The following PIGU variants were observed in gnomAD, a reference collection of about 807,000 sequenced individuals.
The protein encoded by PIGU is GPI-anchor transamidase component PIGU.
Under a neutral mutation model 49.9 loss-of-function variants are expected in PIGU, and 24 were observed. The ratio of observed to expected loss-of-function variants is 0.48; its 90% CI spans 0.35 to 0.68. The LOEUF is 0.68. Ranked by LOEUF, PIGU falls within the 30% of genes least tolerant of loss-of-function variation. The pLI, the probability that PIGU is intolerant of heterozygous loss-of-function variation, is 0.01. For synonymous variants in PIGU, 220 were observed against 205.7 expected, an observed-to-expected ratio of 1.07 and a Z score of -0.59; for missense variants, 490 against 532.6, an observed-to-expected ratio of 0.92 and a Z score of 0.79.
At chr20:34,572,395 G>A (rs1983051438) in intron 11 of PIGU, among the ~76,000 whole-genome samples, 1 of 151,880 alleles carries the variant, frequency 6.6e-6, no homozygotes, top group Admixed American at 6.5e-5. Flanking sequence ...ACCTGTAATC[G>A]CAGCACTTTG....
chr20:34,647,197 T>G (rs1271697895), intron 2 of PIGU, among the ~76,000 whole-genome samples: 1 of 151,986 alleles, frequency 6.6e-6, no homozygotes, highest in Non-Finnish European at 1.5e-5. Context: ...TCTTGAACTC[T>G]CAACCTCAGG....
intron 1 of PIGU, among the ~76,000 whole-genome samples, chr20:34,674,893 C>T (rs764741165): frequency 2.0e-5 from 3 of 148,462 alleles, no homozygotes; most frequent in Non-Finnish European, 3.0e-5. Flanking sequence ...GCTGCAGTGA[C>T]CCATTATCAC....
chr20:34,606,182 G>A (rs2146731744), intron 7 of PIGU, among the ~76,000 whole-genome samples: 1 of 149,994 alleles, frequency 6.7e-6, no homozygotes, highest in African/African-American at 2.5e-5. Context: ...TTGAACCTGA[G>A]AGGCGGAGGT....
intron 1 of PIGU, among the ~76,000 whole-genome samples, chr20:34,674,288 G>A (rs1229375837): frequency 6.6e-6 from 1 of 151,908 alleles, no homozygotes; most frequent in East Asian, 1.9e-4. Context: ...CTGGGAGGCG[G>A]AGGTTGCAGT....
At chr20:34,574,954 CCTCA>C in intron 11 of PIGU, 146 bp downstream of exon 11, 1 of 1,033,954 alleles carries the variant, frequency 9.7e-7, no homozygotes, top group African/African-American at 1.6e-5. Flanking sequence ...ACTTCCCCGT[CCTCA>C]CTGACTGGGA....
intron 7 of PIGU, among the ~76,000 whole-genome samples, chr20:34,591,407 A>C (rs1223878993): frequency 6.6e-6 from 1 of 152,326 alleles, no homozygotes; most frequent in East Asian, 1.9e-4. Flanking sequence ...TTAATCTCAT[A>C]AGATCTTACA....
chr20:34,578,561 G>A (rs1461162359), intron 10 of PIGU, among the ~76,000 whole-genome samples: 1 of 152,224 alleles, frequency 6.6e-6, no homozygotes, highest in Non-Finnish European at 1.5e-5. Context: ...CAGGGTGACA[G>A]GAAGGAAACC....
At chr20:34,626,152 T>C (rs1985480791) in intron 6 of PIGU, among the ~76,000 whole-genome samples, 2 of 152,170 alleles carry the variant, frequency 1.3e-5, no homozygotes, top group South Asian at 4.1e-4. Context: ...CTGCGATTAA[T>C]AACTTTGTAC....
At chr20:34,584,504 CTTTTTTTTTT>C (rs5841174) in intron 9 of PIGU, among the ~76,000 whole-genome samples, 2 of 66,406 alleles carry the variant, frequency 3.0e-5, no homozygotes, top group African/African-American at 5.8e-5. Context: ...AACTCCTGTT[CTTTTTTTTTT>C]TTTTTTTTTT....
intron 2 of PIGU, among the ~76,000 whole-genome samples, chr20:34,650,821 C>T (rs1986520994): frequency 7.1e-6 from 1 of 140,524 alleles, no homozygotes; most frequent in Non-Finnish European, 1.5e-5. Context: ...TCAAGTGATT[C>T]TCCTGCCTCA....
Position 34,645,266 on chromosome 20 carries a change from G to T in PIGU, c.255+9C>A. ...TATACATATCAATTTTATATGGAAGGTTACTTACCATAAACACCAATTCAG... is the reference window on the plus strand; with the variant it reads ...TATACATATCAATTTTATATGGAAGTTTACTTACCATAAACACCAATTCAG... On this transcript the variant is annotated intron_variant, in intron 3 of 11. Transcript: ENST00000217446. The T allele has an allele frequency of 6.4e-7, 1 of 1,560,910 alleles. No individual in the cohort carries two copies. Among genetic ancestry groups the T allele is most frequent in the Non-Finnish European group, 8.6e-7 (1 of 1,161,372 alleles).
At chr20:34,637,552 T>C (rs1986006821) in intron 5 of PIGU, among the ~76,000 whole-genome samples, 1 of 152,224 alleles carries the variant, frequency 6.6e-6, no homozygotes, top group East Asian at 1.9e-4. Context: ...CAAACTTTTA[T>C]TCAATCCATA....
In PIGU at chr20:34,631,783, ATATTTTTTTTTTTTTTTTTTT is replaced by A. The variant is rs1985780524; in HGVS notation, c.529+2811_529+2831del. Among the ~76,000 whole-genome samples, 3 of 1,878 alleles carry A rather than the reference ATATTTTTTTTTTTTTTTTTTT, an allele frequency of 1.6e-3. 1 individual carries two copies. The highest frequency in any genetic ancestry group is 2.9e-3 in the African/African-American group (1 of 346). The allele number at this position is 1,878 out of a possible 152,430, so 1.2% of individuals were successfully genotyped here. A position where few individuals can be genotyped will look rare whatever the true frequency, so the allele number is the denominator to read the frequency against. On this transcript the variant is annotated intron_variant, in intron 6 of 11. Coordinates refer to ENST00000217446, the MANE Select transcript of PIGU (RefSeq NM_080476.5). The stretch of plus-strand genomic sequence containing the variant: ...TATATATATATATATATATATATAT[ATATTTTTTTTTTTTTTTTTTT>A]TTTTTTTTTTTTAGTAGAGACGGGG...
intron 10 of PIGU, 150 bp downstream of exon 10, chr20:34,581,398 A>T: frequency 8.9e-7 from 1 of 1,125,440 alleles, no homozygotes; most frequent in Non-Finnish European, 1.2e-6. Context: ...CGGCACCTGG[A>T]AGCAGATATT....
chr20:34,567,891 C>T (rs1982842124), intron 11 of PIGU, among the ~76,000 whole-genome samples: 1 of 151,862 alleles, frequency 6.6e-6, no homozygotes, highest in Non-Finnish European at 1.5e-5. Context: ...AGATCCTACC[C>T]ATCCCTCAGG....
chr20:34,565,791 CAT>C (rs772914855), intron 11 of PIGU, among the ~76,000 whole-genome samples: 12 of 151,774 alleles, frequency 7.9e-5, no homozygotes, highest in African/African-American at 1.5e-4. Flanking sequence ...GGTGCACACA[CAT>C]ACATGCACGC....
At position 34,655,310 on chromosome 20, in the gene PIGU, T is replaced by A. The variant is rs1242781005; in HGVS notation, c.195+1870A>T. On this transcript the variant is annotated intron_variant, in intron 2 of 11. Transcript: ENST00000217446. Reference sequence around the variant, plus strand: ...CGGTGACAGAGCAAGACCCTGTCTTTAAAAAAAAAAAATTAGAAGGTACAT... The same window carrying A: ...CGGTGACAGAGCAAGACCCTGTCTTAAAAAAAAAAAAATTAGAAGGTACAT... 2.7e-4 allele frequency among the ~76,000 whole-genome samples: 28 copies of A among 104,330 alleles called. 6 individuals are homozygous for A. Among genetic ancestry groups the A allele is most frequent in the Non-Finnish European group, 4.8e-4 (24 of 49,892 alleles). 68.4% of individuals were successfully genotyped at this position (104,330 alleles called of 152,430 possible). A position where few individuals can be genotyped will look rare whatever the true frequency, so the allele number is the denominator to read the frequency against.
At chr20:34,575,859 C>T (rs1359928907) in intron 10 of PIGU, among the ~76,000 whole-genome samples, 1 of 152,156 alleles carries the variant, frequency 6.6e-6, no homozygotes, top group Non-Finnish European at 1.5e-5. Flanking sequence ...ATGCCGAATC[C>T]CACCAGGAAG....
chr20:34,662,341 G>A (rs1326949116), intron 1 of PIGU, among the ~76,000 whole-genome samples: 1 of 151,172 alleles, frequency 6.6e-6, no homozygotes, highest in African/African-American at 2.4e-5. Flanking sequence ...CCAAAGTGCT[G>A]GAATTACAGT....
Sources: allele counts gnomAD v4.1 joint callset (sites outside exome capture counted in the v4.1 genomes callset), GRCh38; gene constraint gnomAD v4.1.1; transcripts MANE v1.5; gene names NCBI Gene and HGNC (gene_info 2026-07-23, HGNC 2026-07-21).